The following MARK3 variants were observed in gnomAD, a reference collection of about 807,000 sequenced individuals.
MARK3 encodes microtubule affinity regulating kinase 3.
Under a neutral mutation model 90.1 loss-of-function variants are expected in MARK3, and 46 were observed. That is an observed-to-expected ratio of 0.51 (90% CI 0.40 to 0.65). The LOEUF (loss-of-function observed/expected upper bound fraction) is 0.65, where lower values mean the gene tolerates loss of function less well. Among genes scored for constraint, MARK3 ranks in the 30% least tolerant of loss-of-function variants. MARK3 has a pLI of 0.00. For synonymous variants in MARK3, 321 were observed against 332.6 expected (o/e 0.97, Z 0.38); for missense variants, 818 against 947.2 (o/e 0.86, Z 1.79).
At chr14:103,452,051 T>G in intron 5 of MARK3, 68 bp downstream of exon 5, 2 of 1,012,104 alleles carry the variant, frequency 2.0e-6, no homozygotes, top group Non-Finnish European at 1.5e-6. Flanking sequence ...ACAACCATAC[T>G]GCCCATATGG....
rs562402855 is a variant in MARK3 at position 103,418,514 on chromosome 14, A to G, written c.244-9873A>G. Among the ~76,000 whole-genome samples, 3 of 152,250 alleles carry G rather than the reference A, an allele frequency of 2.0e-5. No individual in the cohort carries two copies. The East Asian group carries it at 5.8e-4, about 29-fold the overall frequency. ...TGTCCTTAGATTTCTGAGAGTATCCAGTTTCTCTAGATAAGAATCTTCTCT... is the reference window on the plus strand; with the variant it reads ...TGTCCTTAGATTTCTGAGAGTATCCGGTTTCTCTAGATAAGAATCTTCTCT... On this transcript the variant is annotated intron_variant, in intron 2 of 17. Transcript: ENST00000429436.
intron 6 of MARK3, chr14:103,458,814 T>C (rs748629601): frequency 3.0e-6 from 2 of 658,970 alleles, no homozygotes; most frequent in Non-Finnish European, 5.5e-6. Context: ...TAGGACTTAT[T>C]AAGTTTCTTA....
At chr14:103,422,386 T>G (rs773114076) in intron 2 of MARK3, among the ~76,000 whole-genome samples, 2 of 152,038 alleles carry the variant, frequency 1.3e-5, no homozygotes, top group African/African-American at 4.8e-5. Flanking sequence ...ACCCAGGAGG[T>G]GGAGGTTGCA....
rs1251154209 is a variant in MARK3, at chr14:103,462,490, G to A, written c.540+29G>A. On this transcript the variant is annotated intron_variant, in intron 7 of 17. Transcript: ENST00000429436. ...AGTAGAAGTGCCTCACTCAGTGTAT[G>A]CTCTGTCTGTTTGTGTGCAGTTCTC... is the stretch of plus-strand genomic sequence containing the variant. 2.6e-6 allele frequency: 4 copies of A among 1,551,688 alleles called. No homozygotes were observed. The Admixed American group carries it at 5.1e-5, about 20-fold the overall frequency.
chr14:103,394,429 C>T (rs1566759393), intron 1 of MARK3, among the ~76,000 whole-genome samples: 1 of 151,962 alleles, frequency 6.6e-6, no homozygotes, highest in African/African-American at 2.4e-5. Flanking sequence ...AAGAAAAGGC[C>T]TTTTTTTGGA....
intron 1 of MARK3, among the ~76,000 whole-genome samples, chr14:103,399,872 C>T (rs561306469): frequency 1.3e-5 from 2 of 151,810 alleles, no homozygotes; most frequent in East Asian, 3.9e-4. Flanking sequence ...GTTACAGCTA[C>T]ATGGTTGCAT....
intron 13 of MARK3, among the ~76,000 whole-genome samples, chr14:103,479,454 A>G (rs567004522): frequency 6.6e-6 from 1 of 152,180 alleles, no homozygotes; most frequent in African/African-American, 2.4e-5. Context: ...CATTTTATCC[A>G]GCAATAGTGA....
intron 1 of MARK3, among the ~76,000 whole-genome samples, chr14:103,389,943 C>CAA (rs71126011): frequency 0.25 from 7,207 of 29,204 alleles, 1,082 homozygotes; most frequent in East Asian, 0.4. Context: ...TACTCCGTCT[C>CAA]AAAAAAAAAA....
chr14:103,483,677 G>A (rs988759540), intron 14 of MARK3, among the ~76,000 whole-genome samples: 4 of 152,146 alleles, frequency 2.6e-5, no homozygotes, highest in South Asian at 4.1e-4. Context: ...CCTGTGATTC[G>A]TTTTCTGAGA....
At chr14:103,434,590 T>C (rs1486591951) in intron 3 of MARK3, among the ~76,000 whole-genome samples, 1 of 152,204 alleles carries the variant, frequency 6.6e-6, no homozygotes, top group Non-Finnish European at 1.5e-5. Flanking sequence ...ATGTCTCTGG[T>C]TGTGGCATCT....
At chr14:103,492,363 G>T (rs148440745) in intron 15 of MARK3, among the ~76,000 whole-genome samples, 6 of 152,020 alleles carry the variant, frequency 3.9e-5, no homozygotes, top group Non-Finnish European at 8.8e-5. Flanking sequence ...GGTGTGGGGT[G>T]GGGGGCTGGC....
intron 2 of MARK3, among the ~76,000 whole-genome samples, chr14:103,407,358 A>G (rs2091363946): frequency 6.6e-6 from 1 of 152,056 alleles, no homozygotes; most frequent in African/African-American, 2.4e-5. Flanking sequence ...ATCTTCAAGA[A>G]GTTTCTTAAT....
chr14:103,492,653 T>C (rs2094037592), intron 15 of MARK3, among the ~76,000 whole-genome samples: 4 of 152,216 alleles, frequency 2.6e-5, no homozygotes, highest in Admixed American at 1.3e-4. Flanking sequence ...GCTGCATGAT[T>C]CTTGGCTGAT....
chr14:103,415,603 C>T (rs2091910079), intron 2 of MARK3, among the ~76,000 whole-genome samples: 1 of 152,108 alleles, frequency 6.6e-6, no homozygotes, highest in Non-Finnish European at 1.5e-5. Context: ...GCCTGTTTTA[C>T]ACCACAGTTT....
chr14:103,427,866 C>G (rs1198426502), intron 2 of MARK3, among the ~76,000 whole-genome samples: 2 of 152,194 alleles, frequency 1.3e-5, no homozygotes, highest in South Asian at 2.1e-4. Context: ...TTACCACATC[C>G]TGTTCTATCA....
At chr14:103,446,291 C>T (rs2092992658) in intron 3 of MARK3, among the ~76,000 whole-genome samples, 1 of 152,082 alleles carries the variant, frequency 6.6e-6, no homozygotes, top group Non-Finnish European at 1.5e-5. Context: ...CTTTGGAGGC[C>T]AAGGCAGACA....
At chr14:103,481,760 T>TTTTTTTTTC (rs1555400586) in intron 14 of MARK3, among the ~76,000 whole-genome samples, 6 of 45,756 alleles carry the variant, frequency 1.3e-4, no homozygotes, top group Non-Finnish European at 1.8e-4. Context: ...GGTATTTCTT[T>TTTTTTTTTC]TTTTTTTTTT....
chr14:103,395,812 GGAGA>G (rs1283662685), intron 1 of MARK3, among the ~76,000 whole-genome samples: 1 of 152,130 alleles, frequency 6.6e-6, no homozygotes, highest in Non-Finnish European at 1.5e-5. Context: ...ACTCCGATTT[GGAGA>G]GAGAGAATGC....
intron 1 of MARK3, among the ~76,000 whole-genome samples, chr14:103,391,634 G>A (rs538325396): frequency 2.7e-5 from 4 of 147,602 alleles, no homozygotes; most frequent in South Asian, 4.3e-4. Flanking sequence ...AACCTCTGCC[G>A]CCCGGGTTCA....
Sources: gnomAD v4.1 joint callset for allele counts (sites outside exome capture counted in the v4.1 genomes callset) on GRCh38, gnomAD v4.1.1 for gene constraint, MANE v1.5 for transcripts, NCBI Gene and HGNC (gene_info 2026-07-23, HGNC 2026-07-21) for gene names.